DAP: variants seen among roughly 807,000 people sequenced by gnomAD.
DAP encodes death associated protein.
In DAP, 8 loss-of-function variants were observed where a neutral mutation model predicts 13.8. The ratio of observed to expected loss-of-function variants is 0.58; its 90% CI spans 0.34 to 1.05. The LOEUF (loss-of-function observed/expected upper bound fraction) is 1.05, where lower values mean the gene tolerates loss of function less well. Ranked by LOEUF, DAP falls within the 50% of genes least tolerant of loss-of-function variation. DAP has a pLI of 0.03. For synonymous variants in DAP, 47 were observed against 47.5 expected, an observed-to-expected ratio of 0.99 and a Z score of 0.04; for missense variants, 106 against 133.2, an observed-to-expected ratio of 0.80 and a Z score of 1.01.
At chr5:10,683,811 G>A (rs1011060904) in intron 2 of DAP, among the ~76,000 whole-genome samples, 13 of 152,128 alleles carry the variant, frequency 8.5e-5, no homozygotes, top group Non-Finnish European at 1.9e-4. Flanking sequence ...AACTGCGAGT[G>A]AATTGCCTTC....
intron 2 of DAP, among the ~76,000 whole-genome samples, chr5:10,714,394 C>T (rs1454766329): frequency 1.3e-5 from 2 of 152,206 alleles, no homozygotes; most frequent in Non-Finnish European, 2.9e-5. Context: ...TTACCGTTGA[C>T]ATTCATCACT....
At chr5:10,683,148 C>T (rs189440495) in intron 3 of DAP, 3 of 294,982 alleles carry the variant, frequency 1.0e-5, no homozygotes, top group Admixed American at 1.1e-4. Context: ...GTGGGCTGTC[C>T]CCAACACTGG....
intron 2 of DAP, among the ~76,000 whole-genome samples, chr5:10,718,335 T>C (rs923824621): frequency 2.6e-5 from 4 of 152,154 alleles, no homozygotes; most frequent in Admixed American, 2.6e-4. Context: ...AATCCCCCAG[T>C]GCCAGGCTGC....
chr5:10,709,456 C>T (rs1484533915), intron 2 of DAP, among the ~76,000 whole-genome samples: 1 of 152,222 alleles, frequency 6.6e-6, no homozygotes, highest in Non-Finnish European at 1.5e-5. Context: ...AATCCCACCA[C>T]TGGGGAGAGC....
At chr5:10,700,483 C>A (rs1037417772) in intron 2 of DAP, among the ~76,000 whole-genome samples, 1 of 152,078 alleles carries the variant, frequency 6.6e-6, no homozygotes, top group East Asian at 1.9e-4. Flanking sequence ...GAAGGGGAGT[C>A]GTTAGGGATG....
chr5:10,739,185 G>A (rs1382268245), intron 2 of DAP, among the ~76,000 whole-genome samples: 3 of 95,900 alleles, frequency 3.1e-5, no homozygotes, highest in Non-Finnish European at 5.7e-5. Context: ...CTGGGTGACA[G>A]AGCAAGACTC....
intron 1 of DAP, among the ~76,000 whole-genome samples, chr5:10,754,691 G>C (rs1740135346): frequency 1.3e-5 from 2 of 152,186 alleles, no homozygotes; most frequent in Admixed American, 1.3e-4. Flanking sequence ...GTATATCCTT[G>C]AGTGCAGGGA....
At chr5:10,718,446 C>T (rs1739053890) in intron 2 of DAP, among the ~76,000 whole-genome samples, 1 of 152,180 alleles carries the variant, frequency 6.6e-6, no homozygotes, top group South Asian at 2.1e-4. Context: ...AAATGGAAGC[C>T]ATTAGAGTTG....
intron 2 of DAP, among the ~76,000 whole-genome samples, chr5:10,720,945 C>T (rs529895204): frequency 1.3e-5 from 2 of 152,206 alleles, no homozygotes; most frequent in Non-Finnish European, 2.9e-5. Flanking sequence ...GTATTCCAAA[C>T]AGTATTGCCT....
At chr5:10,727,046 C>T (rs1739304810) in intron 2 of DAP, among the ~76,000 whole-genome samples, 1 of 152,194 alleles carries the variant, frequency 6.6e-6, no homozygotes, top group African/African-American at 2.4e-5. Context: ...ATGTAAGCAA[C>T]TGTTTTAGGG....
At chr5:10,725,276 G>A (rs745575358) in intron 2 of DAP, among the ~76,000 whole-genome samples, 3 of 152,102 alleles carry the variant, frequency 2.0e-5, no homozygotes, top group Non-Finnish European at 4.4e-5. Context: ...TATTTGCAGC[G>A]CCTTGAAAGT....
intron 2 of DAP, among the ~76,000 whole-genome samples, chr5:10,745,691 C>CA (rs1739882144): frequency 6.6e-6 from 1 of 152,214 alleles, no homozygotes; most frequent in Non-Finnish European, 1.5e-5. Context: ...TACTATCTCT[C>CA]ATTGTATTGA....
Position 10,684,284 on chromosome 5 carries a change from C to A in DAP, c.153-713G>T, listed in dbSNP as rs5745286. Among the ~76,000 whole-genome samples the A allele has an allele frequency of 3.3e-3, 504 of 152,342 alleles. 3 individuals are homozygous for A. The highest frequency in any genetic ancestry group is 5.6e-3 in the Non-Finnish European group (383 of 68,028). On this transcript the variant is annotated intron_variant, in intron 2 of 3. Transcript: ENST00000230895. The stretch of plus-strand genomic sequence containing the variant: ...TTCTCACTGCCTCCTCAACCCTAGG[C>A]TTCCCCTTCCAGCGTCCTCACAGGG...
chr5:10,760,569 G>C (rs780308258), intron 1 of DAP, among the ~76,000 whole-genome samples: 5 of 152,218 alleles, frequency 3.3e-5, no homozygotes, highest in African/African-American at 9.6e-5. Flanking sequence ...CTTGGTTCTT[G>C]AGTCGGTATG....
At chr5:10,742,954 T>TCCATCCATCCATCC (rs59935322) in intron 2 of DAP, among the ~76,000 whole-genome samples, 89 of 147,388 alleles carry the variant, frequency 6.0e-4, no homozygotes, top group Middle Eastern at 6.9e-3. Context: ...TCCATCCATC[T>TCCATCCATCCATCC]ATCCATTCAG....
intron 1 of DAP, among the ~76,000 whole-genome samples, chr5:10,751,210 T>A (rs1740037759): frequency 6.6e-6 from 1 of 152,214 alleles, no homozygotes; most frequent in African/African-American, 2.4e-5. Context: ...TTCTTCGTTT[T>A]GGGTTTCCAG....
intron 2 of DAP, among the ~76,000 whole-genome samples, chr5:10,708,477 C>T (rs1738759630): frequency 6.6e-6 from 1 of 151,680 alleles, no homozygotes. Context: ...ACATATCTCC[C>T]TAAACAAACA....
intron 2 of DAP, among the ~76,000 whole-genome samples, chr5:10,725,549 G>A (rs5745212): frequency 0.089 from 13,487 of 152,264 alleles, 820 homozygotes; most frequent in African/African-American, 0.17. Flanking sequence ...AAGCCACAAA[G>A]CTTGAGTTGA....
chr5:10,748,074 G>A, intron 2 of DAP, 101 bp downstream of exon 2: 1 of 853,350 alleles, frequency 1.2e-6, no homozygotes. Context: ...GCCCCACATA[G>A]CCCAGGAGTT....
Sources: gnomAD v4.1 joint callset for allele counts (sites outside exome capture counted in the v4.1 genomes callset) on GRCh38, gnomAD v4.1.1 for gene constraint, MANE v1.5 for transcripts, NCBI Gene and HGNC (gene_info 2026-07-23, HGNC 2026-07-21) for gene names.